CD2AP: variants seen among roughly 807,000 people sequenced by gnomAD.
CD2AP encodes the protein CD2-associated protein.
A neutral mutation model predicts 85.1 loss-of-function variants in CD2AP; 46 were observed. The observed-to-expected ratio is 0.54, with a 90% confidence interval of 0.43 to 0.69. The LOEUF (loss-of-function observed/expected upper bound fraction) is 0.69. Ranked by LOEUF, CD2AP falls within the 30% of genes least tolerant of loss-of-function variation. The pLI is 0.00. For missense variants in CD2AP, 769 were observed against 729.5 expected, an observed-to-expected ratio of 1.05 and a Z score of -0.62; for synonymous variants, 255 against 252.9, an observed-to-expected ratio of 1.01 and a Z score of -0.08.
chr6:47,619,328 A>AT (rs1436147045), intron 17 of CD2AP, among the ~76,000 whole-genome samples: 2 of 152,250 alleles, frequency 1.3e-5, no homozygotes, highest in African/African-American at 4.8e-5. Flanking sequence ...ACAATGTTTG[A>AT]TTTTCCATTC....
chr6:47,497,281 T>C (rs1391066263), intron 1 of CD2AP, among the ~76,000 whole-genome samples: 1 of 151,254 alleles, frequency 6.6e-6, no homozygotes, highest in East Asian at 1.9e-4. Flanking sequence ...TTCCCTTCCT[T>C]TCCCTTTTCC....
chr6:47,602,860 A>G (rs187962029), intron 13 of CD2AP, among the ~76,000 whole-genome samples: 5 of 152,062 alleles, frequency 3.3e-5, no homozygotes. Flanking sequence ...TGATCATGCC[A>G]TTGCTCTCCA....
At chr6:47,573,251 T>C (rs1768203780) in intron 5 of CD2AP, among the ~76,000 whole-genome samples, 1 of 152,140 alleles carries the variant, frequency 6.6e-6, no homozygotes, top group Non-Finnish European at 1.5e-5. Flanking sequence ...TGAGTTTCCA[T>C]TGACTGCTTT....
Position 47,589,565 on chromosome 6 carries a change from C to CACACATATAT in CD2AP, c.1109-6295_1109-6294insCACATATATA, listed in dbSNP as rs139814970. Reference sequence around the variant, plus strand: ...ACACATATATATACACACACACACACATATATATATATATATTTGTCAGAG... The same window carrying CACACATATAT: ...ACACATATATATACACACACACACACACACATATATATATATATATATATATTTGTCAGAG... On this transcript the variant is annotated intron_variant, in intron 11 of 17. Coordinates refer to ENST00000359314, the MANE Select transcript of CD2AP (RefSeq NM_012120.3). Among the ~76,000 whole-genome samples, 296 of 120,988 alleles carry CACACATATAT rather than the reference C, an allele frequency of 2.4e-3. 2 individuals are homozygous for CACACATATAT. The highest frequency in any genetic ancestry group is 8.3e-3 in the African/African-American group (279 of 33,650). The allele number at this position is 120,988 out of a possible 152,430, so 79.4% of individuals were successfully genotyped here.
At chr6:47,589,437 TACAC>T (rs1161563100) in intron 11 of CD2AP, among the ~76,000 whole-genome samples, 68 of 121,870 alleles carry the variant, frequency 5.6e-4, no homozygotes, top group African/African-American at 1.8e-3. Context: ...TATACACACA[TACAC>T]ACACACAAAT....
At chr6:47,597,545 AT>A (rs1768985041) in intron 12 of CD2AP, among the ~76,000 whole-genome samples, 1 of 151,044 alleles carries the variant, frequency 6.6e-6, no homozygotes, top group Non-Finnish European at 1.5e-5. Context: ...ATCTTAGTGA[AT>A]AGTGTTCATG....
In CD2AP at chr6:47,606,241, A is replaced by G. The variant is rs763647677; in HGVS notation, c.1494A>G (p.Gly498=). The change falls in exon 14 of 18, where the codon GGA becomes GGG. Residue 498 remains glycine (G), a synonymous_variant. Coordinates refer to ENST00000359314, the MANE Select transcript of CD2AP (RefSeq NM_012120.3). ...CTGCAAATAGACCAAAGATGCCTGG[A>G]AGAAGGTTGCCGGGCCGTTTCAATG... ...HLTANRPKMP[G]RRLPGRFNGG... is the part of the protein sequence containing the mutation. 5 of 1,610,888 alleles carry G rather than the reference A, an allele frequency of 3.1e-6. No homozygotes were observed. The Admixed American group carries it at 8.3e-5, about 27-fold the overall frequency.
chr6:47,507,253 C>G (rs982142363), intron 2 of CD2AP, among the ~76,000 whole-genome samples: 1 of 152,206 alleles, frequency 6.6e-6, no homozygotes, highest in Non-Finnish European at 1.5e-5. Flanking sequence ...ACTTCCCCCA[C>G]TTAGTCTTGA....
intron 17 of CD2AP, 57 bp downstream of exon 17, chr6:47,612,593 C>A: frequency 8.2e-7 from 1 of 1,217,204 alleles, no homozygotes; most frequent in Non-Finnish European, 1.2e-6. Flanking sequence ...ACATGTTTTT[C>A]CCAACCCAAC....
rs1768241231 is a variant in CD2AP, at chr6:47,574,252, G to T, written c.729+1G>T. 1 of 1,613,042 alleles carries T rather than the reference G, an allele frequency of 6.2e-7. No homozygotes were observed. The highest frequency in any genetic ancestry group is 1.7e-5 in the Admixed American group (1 of 60,004). On this transcript the variant is annotated splice_donor_variant, in intron 6 of 17. Coordinates refer to ENST00000359314, the MANE Select transcript of CD2AP (RefSeq NM_012120.3). LOFTEE classifies it high-confidence loss of function. ...AACAGAAGAGAAAAAACCAGAAAAG[G>T]TGGTAATGATGGACTTGTTAGATTA...
At chr6:47,575,802 T>C (rs1057293995) in intron 6 of CD2AP, among the ~76,000 whole-genome samples, 5 of 152,128 alleles carry the variant, frequency 3.3e-5, no homozygotes, top group African/African-American at 1.2e-4. Context: ...TAAGATTACC[T>C]GAATCATTTA....
chr6:47,535,296 A>T (rs1767007616), intron 3 of CD2AP, among the ~76,000 whole-genome samples: 1 of 152,224 alleles, frequency 6.6e-6, no homozygotes, highest in South Asian at 2.1e-4. Context: ...AATCACATTT[A>T]CTTTAATGTC....
At chr6:47,592,751 T>TGTGTTCACA (rs1768837148) in intron 11 of CD2AP, among the ~76,000 whole-genome samples, 1 of 152,162 alleles carries the variant, frequency 6.6e-6, no homozygotes, top group Non-Finnish European at 1.5e-5. Context: ...ATTGAGGGGA[T>TGTGTTCACA]AGGAAGGTGG....
chr6:47,590,850 A>G (rs951395232), intron 11 of CD2AP, among the ~76,000 whole-genome samples: 2 of 152,142 alleles, frequency 1.3e-5, no homozygotes, highest in South Asian at 4.1e-4. Context: ...CAAGAATACT[A>G]TGGAATCCAA....
chr6:47,532,376 TACAC>T (rs10522555), intron 2 of CD2AP, among the ~76,000 whole-genome samples: 7,505 of 141,816 alleles, frequency 0.053, 189 homozygotes, highest in African/African-American at 0.064. Context: ...TATATATGTA[TACAC>T]ACACACACAC....
chr6:47,507,190 C>T (rs1381203188), intron 2 of CD2AP, among the ~76,000 whole-genome samples: 1 of 152,184 alleles, frequency 6.6e-6, no homozygotes. Context: ...TCAGTCACAT[C>T]TTTATGCTTC....
intron 4 of CD2AP, among the ~76,000 whole-genome samples, chr6:47,545,525 C>G (rs1382840144): frequency 6.6e-6 from 1 of 152,194 alleles, no homozygotes; most frequent in African/African-American, 2.4e-5. Flanking sequence ...AAAGTGCCAT[C>G]TCCCAGCAGG....
At chr6:47,561,040 G>C (rs367930720) in intron 5 of CD2AP, among the ~76,000 whole-genome samples, 153 of 152,280 alleles carry the variant, frequency 1.0e-3, no homozygotes, top group Middle Eastern at 3.4e-3. Flanking sequence ...TCAGGTATCA[G>C]TCTATTACCA....
intron 5 of CD2AP, among the ~76,000 whole-genome samples, chr6:47,558,105 G>A (rs1023473715): frequency 6.6e-6 from 1 of 152,098 alleles, no homozygotes; most frequent in Non-Finnish European, 1.5e-5. Context: ...ATGGGAGTTT[G>A]CTCATGATTT....
Sources: gnomAD v4.1 joint callset for allele counts (sites outside exome capture counted in the v4.1 genomes callset) on GRCh38, gnomAD v4.1.1 for gene constraint, MANE v1.5 for transcripts, NCBI Gene and HGNC (gene_info 2026-07-23, HGNC 2026-07-21) for gene names.